Variants in HGF observed in about 807,000 individuals in gnomAD.
HGF encodes the protein hepatocyte growth factor.
A neutral mutation model predicts 111.6 loss-of-function variants in HGF; 39 were observed. The observed-to-expected ratio is 0.35, with a 90% confidence interval of 0.27 to 0.46. The LOEUF is 0.46. Among genes scored for constraint, HGF ranks in the 20% least tolerant of loss-of-function variants. The pLI is 1.00. For missense variants in HGF, 735 were observed against 910.5 expected, an observed-to-expected ratio of 0.81 and a Z score of 2.48; for synonymous variants, 285 against 294.8, an observed-to-expected ratio of 0.97 and a Z score of 0.34.
chr7:81,725,066 C>T (rs1789969546), intron 9 of HGF, among the ~76,000 whole-genome samples: 1 of 152,170 alleles, frequency 6.6e-6, no homozygotes, highest in Admixed American at 6.5e-5. Flanking sequence ...TTCATTGGTT[C>T]TCCTGTTTTA....
At position 81,728,140 on chromosome 7, in the gene HGF, T is replaced by C. The variant is rs535467630; in HGVS notation, c.1040+1465A>G. ...TCACTACTGGATCACAAATAGTAAA[T>C]GGTAAATCAATGTCCTGAGAAAAAT... On this transcript the variant is annotated intron_variant, in intron 8 of 17. Coordinates refer to ENST00000222390, the MANE Select transcript of HGF (RefSeq NM_000601.6). Among the ~76,000 whole-genome samples, 474 of 152,290 alleles carry C rather than the reference T, an allele frequency of 3.1e-3. 1 individual carries two copies. Among genetic ancestry groups the C allele is most frequent in the Non-Finnish European group, 4.8e-3 (327 of 68,016 alleles).
intron 1 of HGF, among the ~76,000 whole-genome samples, chr7:81,766,058 G>A (rs1038811476): frequency 2.6e-5 from 4 of 152,252 alleles, no homozygotes; most frequent in Middle Eastern, 3.4e-3. Context: ...TGAAGAACCT[G>A]AAGTCCCTGT....
Position 81,769,986 on chromosome 7 carries a change from G to A in HGF, c.-15C>T, listed in dbSNP as rs370842395. 10 of 1,547,930 alleles carry A rather than the reference G, an allele frequency of 6.5e-6. No individual in the cohort carries two copies. The highest frequency in any genetic ancestry group is 1.4e-5 in the African/African-American group (1 of 73,058). On this transcript the variant is annotated 5_prime_UTR_variant, in exon 1 of 18. Transcript: ENST00000222390. ...GTCACCCACATGGTGCTGCTGGACG[G>A]GCTGGCGGATCCCTCTGGAGGAGAT...
At chr7:81,748,572 TA>T (rs1431799843) in intron 5 of HGF, among the ~76,000 whole-genome samples, 2 of 152,198 alleles carry the variant, frequency 1.3e-5, no homozygotes, top group African/African-American at 4.8e-5. Context: ...GGTGAACATA[TA>T]AACGATGTAA....
At chr7:81,766,550 C>T (rs898638161) in intron 1 of HGF, among the ~76,000 whole-genome samples, 2 of 152,114 alleles carry the variant, frequency 1.3e-5, no homozygotes, top group Non-Finnish European at 2.9e-5. Flanking sequence ...AATAAAGATA[C>T]CAAGAAGACA....
intron 13 of HGF, among the ~76,000 whole-genome samples, chr7:81,707,790 C>G (rs1227932511): frequency 6.6e-6 from 1 of 151,866 alleles, no homozygotes; most frequent in East Asian, 1.9e-4. Context: ...TTGTTTGAAC[C>G]CTGAAAACCA....
intron 3 of HGF, 132 bp downstream of exon 3, chr7:81,758,560 T>C: frequency 1.5e-6 from 1 of 654,980 alleles, no homozygotes; most frequent in Non-Finnish European, 2.7e-6. Context: ...TCTTAATGGA[T>C]GAATTGACTA....
chr7:81,760,220 C>T lies in HGF; in HGVS notation c.255-1416G>A, dbSNP rs576512450. 5.9e-5 allele frequency among the ~76,000 whole-genome samples: 9 copies of T among 152,216 alleles called. No individual in the cohort carries two copies. The South Asian group carries it at 1.9e-3, about 32-fold the overall frequency. On this transcript the variant is annotated intron_variant, in intron 2 of 17. Transcript: ENST00000222390. ...TTTCCACAGCTTATTTTGTCTATTTCCTATTTGTTGATGGCAGGAAGGCAA... is the reference window on the plus strand; with the variant it reads ...TTTCCACAGCTTATTTTGTCTATTTTCTATTTGTTGATGGCAGGAAGGCAA...
At chr7:81,715,138 C>G (rs1039845299) in intron 11 of HGF, among the ~76,000 whole-genome samples, 10 of 152,010 alleles carry the variant, frequency 6.6e-5, no homozygotes, top group African/African-American at 2.4e-4. Flanking sequence ...TCACTCTTAA[C>G]CATGCATATG....
chr7:81,753,379 G>A lies in HGF; in HGVS notation c.483-1117C>T, dbSNP rs184897555. The stretch of plus-strand genomic sequence containing the variant: ...GTTACATTTTTAATATTCAGCTTGT[G>A]TTTTGTTAACAGGCTTTATTTCTAC... On this transcript the variant is annotated intron_variant, in intron 4 of 17. Transcript: ENST00000222390. Among the ~76,000 whole-genome samples the A allele has an allele frequency of 5.8e-3, 888 of 152,066 alleles. 10 individuals carry two copies. Among genetic ancestry groups the A allele is most frequent in the South Asian group, 0.027 (132 of 4,822 alleles).
At chr7:81,741,398 A>G (rs1039328881) in intron 7 of HGF, among the ~76,000 whole-genome samples, 1 of 152,178 alleles carries the variant, frequency 6.6e-6, no homozygotes, top group Non-Finnish European at 1.5e-5. Context: ...CAGAAGAGAA[A>G]AAAGAAACCT....
intron 11 of HGF, among the ~76,000 whole-genome samples, 165 bp from the exon 12 acceptor site, chr7:81,711,684 C>T (rs5745735): frequency 2.0e-5 from 3 of 152,126 alleles, no homozygotes; most frequent in South Asian, 2.1e-4. Context: ...CATTCTGTCA[C>T]CCAGGCTGGA....
chr7:81,717,390 A>G (rs776701211), intron 10 of HGF, 25 bp from the exon 11 acceptor site: 3 of 1,607,848 alleles, frequency 1.9e-6, no homozygotes, highest in Non-Finnish European at 2.6e-6. Flanking sequence ...GGCCTTGCAC[A>G]TCACAAGATG....
chr7:81,767,596 A>G (rs898124186), intron 1 of HGF, among the ~76,000 whole-genome samples: 1 of 152,206 alleles, frequency 6.6e-6, no homozygotes, highest in Admixed American at 6.5e-5. Context: ...TTTCCCATGT[A>G]GGTGGGAGTG....
chr7:81,717,269 A>C lies in HGF; in HGVS notation c.1368T>G (p.Asn456Lys). The C allele has an allele frequency of 6.2e-7, 1 of 1,613,834 alleles. No individual in the cohort carries two copies. Among genetic ancestry groups the C allele is most frequent in the East Asian group, 2.2e-5 (1 of 44,860 alleles). The change falls in exon 11 of 18, where the codon AAT becomes AAG. Residue 456 changes from asparagine to lysine, a missense_variant. By Grantham distance (94) the Asn-to-Lys change is moderately conservative. Around this residue, in one of 3 missense-constraint regions of HGF, gnomAD observed 553 missense variants for 685.6 expected, o/e 0.81. Coordinates refer to ENST00000222390, the MANE Select transcript of HGF (RefSeq NM_000601.6). ...DAHGPWCYTG[N>K]PLIPWDYCPI... ...GGCAATAATCCCAAGGAATGAGTGG[A>C]TTTCCCGTGTAGCACCAGGGTCCAT...
chr7:81,737,251 C>G (rs1260727850), intron 7 of HGF, among the ~76,000 whole-genome samples: 1 of 151,982 alleles, frequency 6.6e-6, no homozygotes, highest in Non-Finnish European at 1.5e-5. Flanking sequence ...AACAGACCCT[C>G]CCATCTCCCC....
rs2115903688 is a variant in HGF at position 81,725,916 on chromosome 7, G to A, written c.1142C>T (p.Pro381Leu). Reference sequence around the variant, plus strand: ...TTGTCCATGTGACATATCACAGTTTGGAATTTGGGAGCAGTAGCCAACTCG... The same window carrying A: ...TTGTCCATGTGACATATCACAGTTTAGAATTTGGGAGCAGTAGCCAACTCG... The part of the protein sequence containing the change: ...NIRVGYCSQI[P>L]NCDMSHGQDC... The change falls in exon 9 of 18, where the codon CCA becomes CTA. Residue 381 changes from proline (P) to leucine (L), a missense_variant. Around this residue, in one of 3 missense-constraint regions of HGF, gnomAD observed 553 missense variants for 685.6 expected, o/e 0.81. Transcript: ENST00000222390. The A allele has an allele frequency of 6.2e-7, 1 of 1,614,092 alleles. No individual in the cohort carries two copies. Among genetic ancestry groups the A allele is most frequent in the Non-Finnish European group, 8.5e-7 (1 of 1,179,988 alleles).
intron 5 of HGF, chr7:81,750,869 T>A: frequency 1.4e-6 from 1 of 709,896 alleles, no homozygotes; most frequent in South Asian, 6.4e-5. Flanking sequence ...TCGTTCAGAC[T>A]TATTCATACA....
chr7:81,747,792 G>A (rs1213193461), intron 5 of HGF, among the ~76,000 whole-genome samples: 3 of 152,094 alleles, frequency 2.0e-5, no homozygotes, highest in South Asian at 2.1e-4. Context: ...ACCACCTTGG[G>A]TCTGGTGGTG....
Sources: allele counts gnomAD v4.1 joint callset (sites outside exome capture counted in the v4.1 genomes callset), GRCh38; gene constraint gnomAD v4.1.1; regional missense constraint gnomAD v4.1.1; transcripts MANE v1.5; gene names NCBI Gene and HGNC (gene_info 2026-07-23, HGNC 2026-07-21).